CNTNAP5: variants seen among roughly 807,000 people sequenced by gnomAD.
The protein encoded by CNTNAP5 is contactin associated protein family member 5, also known as contactin-associated protein-like 5.
CNTNAP5 carries 72 observed loss-of-function variants against 150.2 expected under a neutral mutation model. That is an observed-to-expected ratio of 0.48 (90% CI 0.40 to 0.58). The LOEUF is 0.58. CNTNAP5 is among the 20% of genes least tolerant of loss of function. The pLI, the probability that CNTNAP5 is intolerant of heterozygous loss-of-function variation, is 0.00. For synonymous variants in CNTNAP5, 672 were observed against 619.8 expected (o/e 1.08, Z -1.25); for missense variants, 1,636 against 1,626.2 (o/e 1.01, Z -0.10).
intron 17 of CNTNAP5, among the ~76,000 whole-genome samples, chr2:124,774,129 T>C (rs1288435325): frequency 1.3e-5 from 2 of 151,954 alleles, no homozygotes; most frequent in Non-Finnish European, 2.9e-5. Context: ...AACTTGGAGT[T>C]CAGATGTTTA....
intron 19 of CNTNAP5, among the ~76,000 whole-genome samples, chr2:124,862,376 A>G (rs1677544344): frequency 6.6e-6 from 1 of 152,232 alleles, no homozygotes. Flanking sequence ...ACTTAGGGAC[A>G]ACACCTTCCC....
At position 124,457,356 on chromosome 2, in the gene CNTNAP5, A is replaced by G. The variant is rs528281547; in HGVS notation, c.918+10419A>G. 1.2e-4 allele frequency among the ~76,000 whole-genome samples: 18 copies of G among 152,376 alleles called. No individual in the cohort carries two copies. The South Asian group carries it at 3.7e-3, about 32-fold the overall frequency. ...AGCAAAAGGAACAGTCAGCAGAATAAACAGACAACCCACAGAGTGGGAGAA... is the reference window on the plus strand; with the variant it reads ...AGCAAAAGGAACAGTCAGCAGAATAGACAGACAACCCACAGAGTGGGAGAA... On this transcript the variant is annotated intron_variant, in intron 6 of 23. Transcript: ENST00000682447.
At chr2:124,868,120 T>C (rs1328501871) in intron 20 of CNTNAP5, among the ~76,000 whole-genome samples, 4 of 152,174 alleles carry the variant, frequency 2.6e-5, no homozygotes, top group African/African-American at 9.6e-5. Context: ...TGCCTTTTGA[T>C]TGACATCTCC....
intron 19 of CNTNAP5, among the ~76,000 whole-genome samples, chr2:124,819,983 G>C (rs2104668030): frequency 6.6e-6 from 1 of 152,206 alleles, no homozygotes; most frequent in South Asian, 2.1e-4. Flanking sequence ...TCAACTTAAG[G>C]CTCTAGAGCC....
rs898176651 is a variant in CNTNAP5 at position 124,671,131 on chromosome 2, C to T, written c.2077+23173C>T. On this transcript the variant is annotated intron_variant, in intron 13 of 23. Transcript: ENST00000682447. ...CTGCCTTTCCTCACCCATCCTTGACCTCAACTGTTACTTTATCATTGGTAT... is the reference window on the plus strand; with the variant it reads ...CTGCCTTTCCTCACCCATCCTTGACTTCAACTGTTACTTTATCATTGGTAT... Among the ~76,000 whole-genome samples the T allele has an allele frequency of 5.9e-5, 9 of 152,236 alleles. No individual in the cohort carries two copies. The East Asian group carries it at 1.7e-3, about 29-fold the overall frequency.
chr2:124,616,986 T>C (rs933769042), intron 12 of CNTNAP5, among the ~76,000 whole-genome samples: 20 of 152,200 alleles, frequency 1.3e-4, no homozygotes, highest in African/African-American at 4.3e-4. Context: ...GCAAATGTAA[T>C]AATAATAAAC....
intron 8 of CNTNAP5, among the ~76,000 whole-genome samples, chr2:124,505,815 G>A (rs1307949714): frequency 6.6e-6 from 1 of 152,108 alleles, no homozygotes; most frequent in East Asian, 1.9e-4. Context: ...GGCAGGGATT[G>A]GTCTGCAGCA....
intron 6 of CNTNAP5, among the ~76,000 whole-genome samples, chr2:124,452,008 C>T (rs76117571): frequency 0.022 from 3,301 of 152,116 alleles, 80 homozygotes; most frequent in South Asian, 0.054. Flanking sequence ...AGGTGAACTT[C>T]GTAACAATTT....
chr2:124,400,679 T>G (rs375118586), intron 3 of CNTNAP5, among the ~76,000 whole-genome samples: 5 of 101,444 alleles, frequency 4.9e-5, no homozygotes, highest in African/African-American at 1.1e-4. Context: ...GTTTTTTTTT[T>G]TTTTTTTTTG....
chr2:124,174,985 A>G (rs929948676), intron 1 of CNTNAP5, among the ~76,000 whole-genome samples: 1 of 152,238 alleles, frequency 6.6e-6, no homozygotes, highest in Non-Finnish European at 1.5e-5. Context: ...TCAGGTGATC[A>G]TTAGCATTTT....
chr2:124,176,553 A>G (rs1275177892), intron 1 of CNTNAP5, among the ~76,000 whole-genome samples: 1 of 152,202 alleles, frequency 6.6e-6, no homozygotes, highest in Non-Finnish European at 1.5e-5. Flanking sequence ...GTTTTACATG[A>G]CACAGGAGCC....
At chr2:124,498,932 T>C (rs1694213343) in intron 7 of CNTNAP5, among the ~76,000 whole-genome samples, 1 of 152,062 alleles carries the variant, frequency 6.6e-6, no homozygotes, top group South Asian at 2.1e-4. Flanking sequence ...ATTAGGGCCC[T>C]CCAGCTCAAT....
At chr2:124,073,655 T>C (rs2104666991) in intron 1 of CNTNAP5, among the ~76,000 whole-genome samples, 1 of 151,708 alleles carries the variant, frequency 6.6e-6, no homozygotes, top group Middle Eastern at 3.4e-3. Flanking sequence ...TCACCCCAGT[T>C]AAAATTGCTT....
chr2:124,655,770 G>A (rs959583996), intron 13 of CNTNAP5, among the ~76,000 whole-genome samples: 20 of 151,550 alleles, frequency 1.3e-4, no homozygotes. Flanking sequence ...GTGTGGTGGG[G>A]CACACTTGTA....
chr2:124,381,718 A>G (rs1242652726), intron 3 of CNTNAP5, among the ~76,000 whole-genome samples: 2 of 152,142 alleles, frequency 1.3e-5, no homozygotes, highest in African/African-American at 2.4e-5. Flanking sequence ...AGCGGGACCT[A>G]CAAGTGTATT....
At chr2:124,064,534 C>A (rs562196350) in intron 1 of CNTNAP5, among the ~76,000 whole-genome samples, 1 of 152,254 alleles carries the variant, frequency 6.6e-6, no homozygotes, top group African/African-American at 2.4e-5. Context: ...TCTAACTGGT[C>A]TCCTGCATCC....
Position 124,263,533 on chromosome 2 carries a change from AGATTCTGGATG to A in CNTNAP5, c.381+21141_381+21151del, listed in dbSNP as rs1398118497. Among the ~76,000 whole-genome samples the A allele has an allele frequency of 2.0e-5, 3 of 152,022 alleles. No individual in the cohort carries two copies. In the East Asian group the frequency reaches 5.8e-4, roughly 29 times the overall value. On this transcript the variant is annotated intron_variant, in intron 3 of 23. Coordinates refer to ENST00000682447, the MANE Select transcript of CNTNAP5 (RefSeq NM_001367498.1). ...TTGTAAATTTGTTTGAGTTCTTTGT[AGATTCTGGATG>A]TTAGCCCTTTGTCAGATGAGTAGAC...
chr2:124,811,947 AATATAT>A (rs200898522), intron 19 of CNTNAP5, among the ~76,000 whole-genome samples: 11,117 of 115,826 alleles, frequency 0.096, 881 homozygotes, highest in Non-Finnish European at 0.14. Context: ...CATCTCAAAA[AATATAT>A]ATATATATAT....
At chr2:124,780,809 T>C (rs1022559877) in intron 17 of CNTNAP5, among the ~76,000 whole-genome samples, 2 of 152,234 alleles carry the variant, frequency 1.3e-5, no homozygotes, top group African/African-American at 4.8e-5. Flanking sequence ...ACATTTGCAA[T>C]GCCTTCTGGG....
Sources: gnomAD v4.1 joint callset for allele counts (sites outside exome capture counted in the v4.1 genomes callset) on GRCh38, gnomAD v4.1.1 for gene constraint, MANE v1.5 for transcripts, NCBI Gene and HGNC (gene_info 2026-07-23, HGNC 2026-07-21) for gene names.